BRAF: variants seen among roughly 807,000 people sequenced by gnomAD.
BRAF encodes serine/threonine-protein kinase B-raf.
Under a neutral mutation model 104.6 loss-of-function variants are expected in BRAF, and 16 were observed. The ratio of observed to expected loss-of-function variants is 0.15; its 90% CI spans 0.10 to 0.23. The LOEUF (loss-of-function observed/expected upper bound fraction) is 0.23. BRAF is among the 10% of genes least tolerant of loss of function. The probability of loss-of-function intolerance (pLI) is 1.00; values close to 1 mark genes in which losing one functional copy is unlikely to be tolerated. For synonymous variants in BRAF, 310 were observed against 341.6 expected (o/e 0.91, Z 1.02); for missense variants, 541 against 937.3 (o/e 0.58, Z 5.52).
intron 1 of BRAF, among the ~76,000 whole-genome samples, chr7:140,918,399 T>C (rs1817846152): frequency 6.6e-6 from 1 of 152,220 alleles, no homozygotes; most frequent in Non-Finnish European, 1.5e-5. Context: ...TTCACGCTCC[T>C]GCCGCTGATC....
chr7:140,877,957 G>A (rs1487344637), intron 1 of BRAF, among the ~76,000 whole-genome samples: 2 of 151,906 alleles, frequency 1.3e-5, no homozygotes, highest in Non-Finnish European at 2.9e-5. Flanking sequence ...GAAGACATAA[G>A]ACCACCTCTA....
chr7:140,822,316 A>C lies in BRAF; in HGVS notation c.504+12293T>G, dbSNP rs550649782. Reference sequence around the variant, plus strand: ...GACATACAATAAACTGCAATGATTTAGAGTACACAATTTGATACATTTTGA... The same window carrying C: ...GACATACAATAAACTGCAATGATTTCGAGTACACAATTTGATACATTTTGA... On this transcript the variant is annotated intron_variant, in intron 3 of 19. Coordinates refer to ENST00000644969, the MANE Select transcript of BRAF (RefSeq NM_001374258.1). 10 of 152,354 alleles carry C rather than the reference A, an allele frequency of 6.6e-5. No individual in the cohort carries two copies. In the South Asian group the frequency reaches 1.9e-3, roughly 28 times the overall value. 9.4% of individuals were successfully genotyped at this position (152,354 alleles called of 1,614,324 possible).
chr7:140,913,367 A>C lies in BRAF; in HGVS notation c.138+11199T>G, dbSNP rs115884701. Among the ~76,000 whole-genome samples the C allele has an allele frequency of 3.7e-3, 564 of 151,670 alleles. 2 individuals are homozygous for C. The highest frequency in any genetic ancestry group is 0.013 in the African/African-American group (542 of 41,426). On this transcript the variant is annotated intron_variant, in intron 1 of 19. Coordinates refer to ENST00000644969, the MANE Select transcript of BRAF (RefSeq NM_001374258.1). ...TACCTGGCATATAGTAGGCACTCAA[A>C]TATTTACTGAATACATGAATACCTG...
At position 140,841,511 on chromosome 7, in the gene BRAF, GGATA is replaced by G. The variant is rs368444499; in HGVS notation, c.241-6643_241-6640del. On this transcript the variant is annotated intron_variant, in intron 2 of 19. Transcript: ENST00000644969. ...CCCAAATGTTCATCAGTTGATGAAT[GGATA>G]AACAAAACATGATATATGTGTATGA... Among the ~76,000 whole-genome samples the G allele has an allele frequency of 1.5e-4, 23 of 152,194 alleles. No homozygotes were observed. The South Asian group carries it at 3.7e-3, about 25-fold the overall frequency.
In BRAF at chr7:140,733,871, T is replaced by C. The variant is rs1260822804; in HGVS notation, c.2401+746A>G. 5.9e-6 allele frequency: 3 copies of C among 504,350 alleles called. No homozygotes were observed. In the African/African-American group the frequency reaches 6.3e-5, roughly 11 times the overall value. 31.2% of individuals were successfully genotyped at this position (504,350 alleles called of 1,614,324 possible). A position where few individuals can be genotyped will look rare whatever the true frequency, so the allele number is the denominator to read the frequency against. On this transcript the variant is annotated intron_variant, in intron 19 of 19. Transcript: ENST00000644969. The stretch of plus-strand genomic sequence containing the variant: ...ATTTGACTTCTACATGAGCGAGACA[T>C]CCTTAATGTATTTTAAAAAAAGCTA...
chr7:140,874,666 A>G (rs1321247674), intron 1 of BRAF, among the ~76,000 whole-genome samples: 4 of 152,102 alleles, frequency 2.6e-5, no homozygotes, highest in African/African-American at 9.7e-5. Context: ...ACATTCTGAG[A>G]GCAGGGAGAG....
At chr7:140,891,148 C>T (rs1184866539) in intron 1 of BRAF, among the ~76,000 whole-genome samples, 2 of 152,036 alleles carry the variant, frequency 1.3e-5, no homozygotes, top group East Asian at 1.9e-4. Flanking sequence ...GAGAGTACCA[C>T]GCAGAGAAAA....
At chr7:140,843,611 T>C (rs1808225392) in intron 2 of BRAF, among the ~76,000 whole-genome samples, 1 of 152,180 alleles carries the variant, frequency 6.6e-6, no homozygotes. Flanking sequence ...TTCTAGAACA[T>C]TTATCTTCCA....
chr7:140,816,137 G>A (rs1804859596), intron 3 of BRAF, among the ~76,000 whole-genome samples: 2 of 152,178 alleles, frequency 1.3e-5, no homozygotes, highest in Non-Finnish European at 2.9e-5. Context: ...AGTAATTTAC[G>A]TACCAACCTG....
chr7:140,773,955 T>A (rs1250576936), intron 14 of BRAF, among the ~76,000 whole-genome samples: 1 of 152,210 alleles, frequency 6.6e-6, no homozygotes, highest in African/African-American at 2.4e-5. Flanking sequence ...ACAGTTTTAG[T>A]GGAGTTCCAG....
intron 1 of BRAF, among the ~76,000 whole-genome samples, chr7:140,915,049 CAAAAAAAAAAA>C (rs567503566): frequency 3.2e-5 from 2 of 61,850 alleles, no homozygotes; most frequent in African/African-American, 1.2e-4. Flanking sequence ...ACTCCGTCTC[CAAAAAAAAAAA>C]AAAAAAAAAA....
intron 1 of BRAF, among the ~76,000 whole-genome samples, chr7:140,858,567 T>C (rs1014446280): frequency 6.6e-6 from 1 of 152,152 alleles, no homozygotes. Flanking sequence ...AGATAACTAC[T>C]ACTAAAAGTC....
Position 140,721,136 on chromosome 7 carries a change from A to G in BRAF, c.*5358T>C. On this transcript the variant is annotated 3_prime_UTR_variant, in exon 20 of 20. Coordinates refer to ENST00000644969, the MANE Select transcript of BRAF (RefSeq NM_001374258.1). Reference sequence around the variant, plus strand: ...GCTTACATTGGCTGTGTCCTCATACACACTCGTCAAGTCACTATAATTATT... The same window carrying G: ...GCTTACATTGGCTGTGTCCTCATACGCACTCGTCAAGTCACTATAATTATT... 3.8e-6 allele frequency: 4 copies of G among 1,063,966 alleles called. No homozygotes were observed. The highest frequency in any genetic ancestry group is 1.6e-5 in the African/African-American group (1 of 61,166). 65.9% of individuals were successfully genotyped at this position (1,063,966 alleles called of 1,614,324 possible).
rs752775822 is a variant in BRAF at position 140,808,800 on chromosome 7, C to T, written c.608+92G>A. Reference sequence around the variant, plus strand: ...TTTTTCCTAAAGTACACTTTCAATTCCCTAGGTTTTGGTAAAGATCCTAAG... The same window carrying T: ...TTTTTCCTAAAGTACACTTTCAATTTCCTAGGTTTTGGTAAAGATCCTAAG... On this transcript the variant is annotated intron_variant, in intron 4 of 19. Transcript: ENST00000644969. The T allele has an allele frequency of 2.4e-4, 248 of 1,019,370 alleles. 3 individuals are homozygous for T. Among genetic ancestry groups the T allele is most frequent in the South Asian group, 1.9e-3 (147 of 77,444 alleles). 63.1% of individuals were successfully genotyped at this position (1,019,370 alleles called of 1,614,324 possible).
At chr7:140,869,356 G>C (rs907501062) in intron 1 of BRAF, among the ~76,000 whole-genome samples, 3 of 152,174 alleles carry the variant, frequency 2.0e-5, no homozygotes, top group African/African-American at 7.2e-5. Flanking sequence ...TTTCTGACCA[G>C]GCACAGTGAC....
chr7:140,887,242 AG>A (rs1813672814), intron 1 of BRAF, among the ~76,000 whole-genome samples: 1 of 152,240 alleles, frequency 6.6e-6, no homozygotes, highest in Non-Finnish European at 1.5e-5. Context: ...GTGGCACAAA[AG>A]AAGCCCCTAT....
At chr7:140,715,455 G>A (rs1795111371), downstream of BRAF, among the ~76,000 whole-genome samples, 1 of 151,738 alleles carries the variant, frequency 6.6e-6, no homozygotes, top group African/African-American at 2.4e-5. Context: ...CCTCATGACC[G>A]CCCACTCCCC....
rs1196171472 is a variant in BRAF, at chr7:140,834,094, C to T, written c.504+515G>A. Reference sequence around the variant, plus strand: ...GTTGCACTTAAGGATTATAGACCACCCACAATAATTCCACAGATTTCTCTT... The same window carrying T: ...GTTGCACTTAAGGATTATAGACCACTCACAATAATTCCACAGATTTCTCTT... On this transcript the variant is annotated intron_variant, in intron 3 of 19. Coordinates refer to ENST00000644969, the MANE Select transcript of BRAF (RefSeq NM_001374258.1). 3 of 167,618 alleles carry T rather than the reference C, an allele frequency of 1.8e-5. No homozygotes were observed. In the East Asian group the frequency reaches 4.7e-4, roughly 26 times the overall value. 10.4% of individuals were successfully genotyped at this position (167,618 alleles called of 1,614,324 possible). A position where few individuals can be genotyped will look rare whatever the true frequency, so the allele number is the denominator to read the frequency against.
chr7:140,832,964 C>G (rs962265314), intron 3 of BRAF, among the ~76,000 whole-genome samples: 1 of 151,514 alleles, frequency 6.6e-6, no homozygotes, highest in Non-Finnish European at 1.5e-5. Flanking sequence ...AGCTCCGCCT[C>G]CCGGGTTCAC....
Sources: gnomAD v4.1 joint callset for allele counts (sites outside exome capture counted in the v4.1 genomes callset) on GRCh38, gnomAD v4.1.1 for gene constraint, MANE v1.5 for transcripts, NCBI Gene and HGNC (gene_info 2026-07-23, HGNC 2026-07-21) for gene names.